The following PGLYRP2 variants were observed in gnomAD, a reference collection of about 807,000 sequenced individuals.
The protein encoded by PGLYRP2 is peptidoglycan recognition protein 2, also known as N-acetylmuramoyl-L-alanine amidase.
A neutral mutation model predicts 46.2 loss-of-function variants in PGLYRP2; 38 were observed. That is an observed-to-expected ratio of 0.82 (90% CI 0.64 to 1.08). The LOEUF (loss-of-function observed/expected upper bound fraction) is 1.08. Ranked by LOEUF, PGLYRP2 falls within the 50% of genes least tolerant of loss-of-function variation. PGLYRP2 has a pLI of 0.00. For missense variants in PGLYRP2, 713 were observed against 755.9 expected (o/e 0.94, Z 0.67); for synonymous variants, 289 against 329.4 (o/e 0.88, Z 1.33).
chr19:15,474,980 CAAAAAAAA>C (rs34586297), intron 2 of PGLYRP2, among the ~76,000 whole-genome samples: 1 of 125,032 alleles, frequency 8.0e-6, no homozygotes, highest in Non-Finnish European at 1.7e-5. Context: ...GAGAGAGACT[CAAAAAAAA>C]AAAAAAAGAA....
chr19:15,470,759 C>T (rs769003365), intron 3 of PGLYRP2, among the ~76,000 whole-genome samples: 39 of 152,096 alleles, frequency 2.6e-4, no homozygotes, highest in Non-Finnish European at 4.0e-4. Flanking sequence ...ATTCTCCCGT[C>T]TCAGCCTCCC....
rs774826377 is a variant in PGLYRP2, at chr19:15,475,778, G to A, written c.892C>T (p.His298Tyr). 6.4e-5 allele frequency: 104 copies of A among 1,613,964 alleles called. 1 individual carries two copies. The highest frequency in any genetic ancestry group is 8.1e-5 in the Non-Finnish European group (96 of 1,179,976). The change falls in exon 2 of 5, where the codon CAC (histidine) becomes TAC (tyrosine). Residue 298 changes from histidine (H) to tyrosine (Y), a missense_variant. His to Tyr is a moderately conservative substitution (Grantham distance 83). Transcript: ENST00000340880. ...GCCCCATAGTACTGGCTCAGCAAGT[G>A]GCTGAGGGATGGCCGGGGCTCAGGA... ...RTPEPRPSLS[H>Y]LLSQYYGAGV...
chr19:15,474,418 A>T (rs556425189), intron 2 of PGLYRP2, among the ~76,000 whole-genome samples: 46 of 152,196 alleles, frequency 3.0e-4, no homozygotes, highest in Non-Finnish European at 4.1e-4. Context: ...CCACTACTGG[A>T]TATCTACCCA....
chr19:15,470,059 G>A, intron 3 of PGLYRP2, 130 bp from the exon 4 acceptor site: 1 of 973,950 alleles, frequency 1.0e-6, no homozygotes, highest in South Asian at 2.7e-5. Context: ...CGCGCTGCCT[G>A]TGTCCCATCC....
chr19:15,469,601 G>T lies in PGLYRP2; in HGVS notation c.1641+31C>A. 3 of 1,566,348 alleles carry T rather than the reference G, an allele frequency of 1.9e-6. No individual in the cohort carries two copies. The highest frequency in any genetic ancestry group is 2.3e-5 in the East Asian group (1 of 42,800). On this transcript the variant is annotated intron_variant, in intron 4 of 4. Transcript: ENST00000340880. This position sits in a 1 kb window ranked among gnomAD's most constrained non-coding sequence, Gnocchi z 4.9. Reference sequence around the variant, plus strand: ...GAGCTTGTGTAGACGGAGGGGCGGCGGGCCGTGTAGTGCAGGCTGCGAAGA... The same window carrying T: ...GAGCTTGTGTAGACGGAGGGGCGGCTGGCCGTGTAGTGCAGGCTGCGAAGA...
chr19:15,475,916 G>C lies in PGLYRP2; in HGVS notation c.754C>G (p.Leu252Val). ...DLGTEGCWDQ[L>V]SAPRTFTLLD... ...AGCGTAAAGGTCCGAGGGGCAGAGA[G>C]CTGGTCCCAGCAGCCCTCAGTTCCC... is the stretch of plus-strand genomic sequence containing the variant. The change falls in exon 2 of 5, where the codon CTC (leucine) becomes GTC (valine). Residue 252 changes from leucine (L) to valine (V), a missense_variant. Transcript: ENST00000340880. 6.2e-7 allele frequency: 1 copy of C among 1,614,152 alleles called. No homozygotes were observed. The highest frequency in any genetic ancestry group is 2.2e-5 in the East Asian group (1 of 44,876).
rs758391088 is a variant in PGLYRP2 at position 15,476,006 on chromosome 19, T to C, written c.664A>G (p.Thr222Ala). The C allele has an allele frequency of 3.1e-6, 5 of 1,614,080 alleles. No individual in the cohort carries two copies. The highest frequency in any genetic ancestry group is 4.2e-6 in the Non-Finnish European group (5 of 1,180,016). ...PTMVDSLLAV[T>A]LAGNLGLTFL... Reference sequence around the variant, plus strand: ...GTCAGGCCCAGGTTTCCAGCCAGGGTGACTGCCAGGAGGCTGTCCACCATG... The same window carrying C: ...GTCAGGCCCAGGTTTCCAGCCAGGGCGACTGCCAGGAGGCTGTCCACCATG... The change falls in exon 2 of 5, where the codon ACC becomes GCC. Residue 222 changes from threonine (T) to alanine (A), a missense_variant. Transcript: ENST00000340880.
At chr19:15,479,192 C>T in intron 1 of PGLYRP2, 119 bp downstream of exon 1, 1 of 1,043,880 alleles carries the variant, frequency 9.6e-7, no homozygotes, top group Non-Finnish European at 1.5e-6. Context: ...CATGCTGGAG[C>T]TTCTTTGAGA....
At chr19:15,474,397 A>G (rs971891943) in intron 2 of PGLYRP2, among the ~76,000 whole-genome samples, 17 of 152,184 alleles carry the variant, frequency 1.1e-4, no homozygotes. Flanking sequence ...CTATCATTCA[A>G]TCCAGCAATC....
At chr19:15,471,798 G>A (rs1970751380) in intron 3 of PGLYRP2, 92 bp downstream of exon 3, 6 of 1,413,010 alleles carry the variant, frequency 4.2e-6, no homozygotes, top group Non-Finnish European at 5.7e-6. Context: ...CTTTCCTCGG[G>A]TTCAAGCCCG....
In PGLYRP2 at chr19:15,475,520, T is replaced by G; in HGVS notation, c.1132+18A>C. ...GTCTGTAATGGGAAGGATCACAGGGTGTGGGGAACTTCCTCACCCAGGAAG... is the reference window on the plus strand; with the variant it reads ...GTCTGTAATGGGAAGGATCACAGGGGGTGGGGAACTTCCTCACCCAGGAAG... On this transcript the variant is annotated intron_variant, in intron 2 of 4. Transcript: ENST00000340880. The G allele has an allele frequency of 1.3e-6, 2 of 1,562,422 alleles. No homozygotes were observed. The highest frequency in any genetic ancestry group is 1.7e-6 in the Non-Finnish European group (2 of 1,151,130).
rs766853842 is a variant in PGLYRP2 at position 15,476,324 on chromosome 19, C to T, written c.346G>A (p.Gly116Ser). 2 of 1,614,180 alleles carry T rather than the reference C, an allele frequency of 1.2e-6. No individual in the cohort carries two copies. Among genetic ancestry groups the T allele is most frequent in the Admixed American group, 3.3e-5 (2 of 60,000 alleles). The change falls in exon 2 of 5, where the codon GGC (glycine) becomes AGC (serine). Residue 116 changes from glycine to serine, a missense_variant. Gly to Ser is a moderately conservative substitution (Grantham distance 56). Transcript: ENST00000340880. ...AGAGGCTCCACAGCCACGGTCGAGC[C>T]ATCAGGTGCCAGCACCACCCCATAT... ...KEYGVVLAPDGSTVAVEPLLA... is the reference protein window; with the variant it reads ...KEYGVVLAPDSSTVAVEPLLA...
At chr19:15,477,022 G>A (rs1406879812) in intron 1 of PGLYRP2, among the ~76,000 whole-genome samples, 6 of 152,162 alleles carry the variant, frequency 3.9e-5, no homozygotes, top group African/African-American at 7.2e-5. Flanking sequence ...TCCCCAGATC[G>A]TGAGAGGGAG....
At chr19:15,471,349 C>G (rs12979216) in intron 3 of PGLYRP2, among the ~76,000 whole-genome samples, 1 of 150,630 alleles carries the variant, frequency 6.6e-6, no homozygotes, top group African/African-American at 2.4e-5. Context: ...CTTCTGACCT[C>G]GTGATCCTCC....
Position 15,469,224 on chromosome 19 carries a change from G to C in PGLYRP2, c.1641+408C>G. ...CGGGTAGGGGCAGGGGTGAGGTCAA[G>C]GTTCGGCGGGCCAGGATGAGGTGGT... On this transcript the variant is annotated intron_variant, in intron 4 of 4. Transcript: ENST00000340880. This position sits in a 1 kb window ranked among gnomAD's most constrained non-coding sequence, Gnocchi z 4.9. 1.7e-6 allele frequency: 1 copy of C among 597,994 alleles called. No individual in the cohort carries two copies. The highest frequency in any genetic ancestry group is 2.0e-5 in the South Asian group (1 of 49,838). The allele number at this position is 597,994 out of a possible 1,614,324, so 37.0% of individuals were successfully genotyped here.
chr19:15,475,115 G>A (rs1267639695), intron 2 of PGLYRP2, among the ~76,000 whole-genome samples: 1 of 152,148 alleles, frequency 6.6e-6, no homozygotes, highest in Non-Finnish European at 1.5e-5. Flanking sequence ...GCTAAATAAT[G>A]TGTATGCATG....
At chr19:15,478,629 TG>T (rs1009497518) in intron 1 of PGLYRP2, among the ~76,000 whole-genome samples, 17 of 149,788 alleles carry the variant, frequency 1.1e-4, no homozygotes, top group East Asian at 3.9e-4. Flanking sequence ...GATTTGCCTT[TG>T]TTTTTTTTTT....
rs1209537336 is a variant in PGLYRP2 at position 15,469,486 on chromosome 19, T to C, written c.1641+146A>G. On this transcript the variant is annotated intron_variant, in intron 4 of 4. Transcript: ENST00000340880. The surrounding 1 kb of genome is among the most constrained non-coding windows in gnomAD (Gnocchi z 4.9). ...GTGACCCGCAAAGGCTGGGCCTAGG[T>C]TTCCTGAATAGACGTGCCGCCGGGA... is the stretch of plus-strand genomic sequence containing the variant. The C allele has an allele frequency of 1.7e-6, 2 of 1,148,958 alleles. No homozygotes were observed. Among genetic ancestry groups the C allele is most frequent in the East Asian group, 2.6e-5 (1 of 39,132 alleles). 71.2% of individuals were successfully genotyped at this position (1,148,958 alleles called of 1,614,324 possible). A position where few individuals can be genotyped will look rare whatever the true frequency, so the allele number is the denominator to read the frequency against.
At chr19:15,472,136 C>A in intron 2 of PGLYRP2, 36 bp from the exon 3 acceptor site, 14 of 1,542,580 alleles carry the variant, frequency 9.1e-6, no homozygotes, top group Non-Finnish European at 1.2e-5. Flanking sequence ...GGGTCAGGAA[C>A]TGTTTCTCTG....
Sources: gnomAD v4.1 joint callset for allele counts (sites outside exome capture counted in the v4.1 genomes callset) on GRCh38, gnomAD v4.1.1 for gene constraint, Gnocchi (gnomAD v3.1) non-coding constraint, MANE v1.5 for transcripts, NCBI Gene and HGNC (gene_info 2026-07-23, HGNC 2026-07-21) for gene names.